The following BRINP2 variants were observed in gnomAD, a reference collection of about 807,000 sequenced individuals.
BRINP2 encodes BMP/retinoic acid inducible neural specific 2.
BRINP2 carries 21 observed loss-of-function variants against 69.2 expected under a neutral mutation model. The ratio of observed to expected loss-of-function variants is 0.30; its 90% CI spans 0.22 to 0.44. The LOEUF is 0.44. BRINP2 is among the 20% of genes least tolerant of loss of function. The probability of loss-of-function intolerance (pLI) is 1.00; values close to 1 mark genes in which losing one functional copy is unlikely to be tolerated. For synonymous variants in BRINP2, 380 were observed against 394.1 expected (o/e 0.96, Z 0.42); for missense variants, 877 against 986.0 (o/e 0.89, Z 1.48).
chr1:177,203,525 T>C (rs544871831), intron 1 of BRINP2, among the ~76,000 whole-genome samples: 3 of 151,204 alleles, frequency 2.0e-5, no homozygotes, highest in Non-Finnish European at 4.4e-5. Flanking sequence ...AAACAAAAAG[T>C]AATCCTAAAG....
intron 1 of BRINP2, among the ~76,000 whole-genome samples, chr1:177,180,799 G>GTGAT (rs1268423887): frequency 6.6e-6 from 1 of 152,126 alleles, no homozygotes; most frequent in African/African-American, 2.4e-5. Flanking sequence ...AGCAAAACTT[G>GTGAT]TGATTCATTT....
At chr1:177,272,592 G>A (rs1184314750) in intron 4 of BRINP2, among the ~76,000 whole-genome samples, 1 of 152,262 alleles carries the variant, frequency 6.6e-6, no homozygotes, top group East Asian at 1.9e-4. Flanking sequence ...AAGCAGGGGG[G>A]CCTGAAGCCA....
chr1:177,217,766 C>T (rs181839467), intron 1 of BRINP2, among the ~76,000 whole-genome samples: 5 of 152,252 alleles, frequency 3.3e-5, no homozygotes, highest in African/African-American at 1.2e-4. Context: ...TGGGCTACTG[C>T]TTTTACCTGG....
intron 1 of BRINP2, among the ~76,000 whole-genome samples, chr1:177,183,257 G>GA (rs528705660): frequency 9.2e-4 from 123 of 134,232 alleles, no homozygotes; most frequent in African/African-American, 2.0e-3. Flanking sequence ...ATTTTGGAAA[G>GA]AAAAAAAAAA....
intron 1 of BRINP2, among the ~76,000 whole-genome samples, chr1:177,206,077 A>G (rs555054061): frequency 7.0e-4 from 106 of 152,312 alleles, no homozygotes; most frequent in African/African-American, 2.4e-3. Flanking sequence ...GAGAATACTT[A>G]AGCTGCCCTG....
At chr1:177,205,615 G>C (rs1649050396) in intron 1 of BRINP2, among the ~76,000 whole-genome samples, 1 of 152,300 alleles carries the variant, frequency 6.6e-6, no homozygotes, top group Non-Finnish European at 1.5e-5. Context: ...GATTTAGCAG[G>C]CTGACCACAC....
rs572990040 is a variant in BRINP2, at chr1:177,186,770, G to A, written c.-77+15038G>A. Among the ~76,000 whole-genome samples, 21 of 152,204 alleles carry A rather than the reference G, an allele frequency of 1.4e-4. No homozygotes were observed. The South Asian group carries it at 2.3e-3, about 17-fold the overall frequency. ...AATATGAATAATGCTAGTTGTAGGC[G>A]TATCCCACTGGGAACTTTGCATCTT... On this transcript the variant is annotated intron_variant, in intron 1 of 7. Transcript: ENST00000361539.
In BRINP2 at chr1:177,280,750, T is replaced by C. The variant is rs1391740356; in HGVS notation, c.1574T>C (p.Ile525Thr). The C allele has an allele frequency of 6.2e-7, 1 of 1,614,208 alleles. No individual in the cohort carries two copies. The highest frequency in any genetic ancestry group is 8.5e-7 in the Non-Finnish European group (1 of 1,180,034). The change falls in exon 8 of 8, where the codon ATT becomes ACT. Residue 525 changes from isoleucine to threonine, a missense_variant. Physicochemically the swap from Ile to Thr is moderately conservative, Grantham distance 89 (BLOSUM62 -1). Transcript: ENST00000361539. ...KYLLQKQDSR[I>T]EVHSIFISND... Reference sequence around the variant, plus strand: ...CTGCTGCAGAAGCAGGATAGCCGCATTGAGGTACACTCCATCTTCATCAGC... The same window carrying C: ...CTGCTGCAGAAGCAGGATAGCCGCACTGAGGTACACTCCATCTTCATCAGC...
intron 1 of BRINP2, among the ~76,000 whole-genome samples, chr1:177,187,412 G>A (rs1053977197): frequency 2.0e-5 from 3 of 152,182 alleles, no homozygotes; most frequent in Admixed American, 1.3e-4. Context: ...TGGCAATGAT[G>A]AAGAAGAGCA....
At chr1:177,279,925 T>G (rs1651638182) in intron 7 of BRINP2, among the ~76,000 whole-genome samples, 1 of 152,118 alleles carries the variant, frequency 6.6e-6, no homozygotes, top group Non-Finnish European at 1.5e-5. Context: ...ACATAAGAGC[T>G]AAAATCAAAA....
intron 1 of BRINP2, among the ~76,000 whole-genome samples, chr1:177,225,361 T>A (rs1022351593): frequency 6.6e-6 from 1 of 152,222 alleles, no homozygotes; most frequent in African/African-American, 2.4e-5. Context: ...AAAACCGTCT[T>A]AAGTGTGGTC....
In BRINP2 at chr1:177,278,592, C is replaced by T; in HGVS notation, c.1042C>T (p.Pro348Ser). 1 of 1,614,152 alleles carries T rather than the reference C, an allele frequency of 6.2e-7. No individual in the cohort carries two copies. Among genetic ancestry groups the T allele is most frequent in the Non-Finnish European group, 8.5e-7 (1 of 1,180,040 alleles). Residue 348 changes from proline to serine, a missense_variant, in exon 7 of 8, where the codon CCC becomes TCC. This residue lies in a region of BRINP2 where 566 missense variants were observed against 625.2 expected (regional missense o/e 0.91). Transcript: ENST00000361539. Reference protein sequence around the residue: ...EEFQALLKRLPDDRFLNSTAI... With the variant: ...EEFQALLKRLSDDRFLNSTAI... The stretch of plus-strand genomic sequence containing the variant: ...GTTCCAGGCCCTGCTGAAAAGGCTG[C>T]CCGATGACCGGTTCCTGAACTCCAC...
chr1:177,190,483 TCTC>T (rs1302921607), intron 1 of BRINP2, among the ~76,000 whole-genome samples: 3 of 152,196 alleles, frequency 2.0e-5, no homozygotes, highest in Admixed American at 1.3e-4. Flanking sequence ...CCAGCAAAAA[TCTC>T]CTTCTTCCCT....
chr1:177,281,299 A>G lies in BRINP2; in HGVS notation c.2123A>G (p.Tyr708Cys). Residue 708 changes from tyrosine (Y) to cysteine (C), a missense_variant, in exon 8 of 8, where the codon TAT (tyrosine) becomes TGT (cysteine). Tyr to Cys is a radical substitution (Grantham distance 194). Transcript: ENST00000361539. Reference protein sequence around the residue: ...RDLILQLDYPYTQGSQDSALL... With the variant: ...RDLILQLDYPCTQGSQDSALL... ...TTAATTCTCCAGTTGGACTACCCAT[A>G]TACTCAAGGTTCCCAGGACTCTGCA... 1.2e-6 allele frequency: 2 copies of G among 1,614,150 alleles called. No individual in the cohort carries two copies. The highest frequency in any genetic ancestry group is 1.7e-6 in the Non-Finnish European group (2 of 1,180,032).
intron 1 of BRINP2, among the ~76,000 whole-genome samples, chr1:177,188,674 A>G (rs1553268170): frequency 6.6e-6 from 1 of 152,130 alleles, no homozygotes; most frequent in Non-Finnish European, 1.5e-5. Flanking sequence ...TAACTCTTAT[A>G]TTACTTCAGC....
intron 4 of BRINP2, among the ~76,000 whole-genome samples, chr1:177,260,722 C>A (rs939287631): frequency 1.3e-5 from 2 of 152,208 alleles, no homozygotes; most frequent in Non-Finnish European, 2.9e-5. Flanking sequence ...TTAGCATTTT[C>A]TAGCAATAAC....
intron 1 of BRINP2, among the ~76,000 whole-genome samples, chr1:177,226,775 A>C (rs1421494573): frequency 6.6e-6 from 1 of 152,156 alleles, no homozygotes; most frequent in South Asian, 2.1e-4. Flanking sequence ...TCTTAAGGTC[A>C]TATGACTGAG....
intron 1 of BRINP2, among the ~76,000 whole-genome samples, chr1:177,181,765 C>T (rs1029273525): frequency 6.6e-6 from 1 of 152,200 alleles, no homozygotes; most frequent in Non-Finnish European, 1.5e-5. Flanking sequence ...CACGCCTCTT[C>T]TTTCTGAAAT....
chr1:177,235,254 G>T (rs1047702925), intron 2 of BRINP2, among the ~76,000 whole-genome samples: 1 of 152,178 alleles, frequency 6.6e-6, no homozygotes, highest in Non-Finnish European at 1.5e-5. Context: ...TACTGCACTT[G>T]TCTATACTAA....
Sources: allele counts gnomAD v4.1 joint callset (sites outside exome capture counted in the v4.1 genomes callset), GRCh38; gene constraint gnomAD v4.1.1; regional missense constraint gnomAD v4.1.1; transcripts MANE v1.5; gene names NCBI Gene and HGNC (gene_info 2026-07-23, HGNC 2026-07-21).